Variants in ELAC1 observed in about 807,000 individuals in gnomAD.
ELAC1 encodes the protein elaC ribonuclease Z 1, also known as zinc phosphodiesterase ELAC protein 1.
ELAC1 carries 19 observed loss-of-function variants against 25.8 expected under a neutral mutation model. That is an observed-to-expected ratio of 0.74 (90% CI 0.51 to 1.08). ELAC1 has a LOEUF of 1.08. Among genes scored for constraint, ELAC1 ranks in the 50% least tolerant of loss-of-function variants. The pLI, the probability that ELAC1 is intolerant of heterozygous loss-of-function variation, is 0.00. For missense variants in ELAC1, 403 were observed against 434.6 expected, an observed-to-expected ratio of 0.93 and a Z score of 0.65; for synonymous variants, 148 against 160.9, an observed-to-expected ratio of 0.92 and a Z score of 0.61.
chr18:50,987,148 T>C lies in ELAC1; in HGVS notation c.*63T>C. The stretch of plus-strand genomic sequence containing the variant: ...ATATGTTACTGAACCTATAGTCCAG[T>C]TTTTTTATTTCTTGTTTTAGTCTGA... On this transcript the variant is annotated 3_prime_UTR_variant, in exon 4 of 4. Transcript: ENST00000269466. 2 of 1,191,376 alleles carry C rather than the reference T, an allele frequency of 1.7e-6. No homozygotes were observed. Among genetic ancestry groups the C allele is most frequent in the Non-Finnish European group, 2.3e-6 (2 of 881,544 alleles). 73.8% of individuals were successfully genotyped at this position (1,191,376 alleles called of 1,614,324 possible). A position where few individuals can be genotyped will look rare whatever the true frequency, so the allele number is the denominator to read the frequency against.
chr18:50,971,761 C>T (rs1319723761), intron 1 of ELAC1, among the ~76,000 whole-genome samples: 2 of 151,374 alleles, frequency 1.3e-5, no homozygotes, highest in South Asian at 2.1e-4. Context: ...TATTTATTAA[C>T]TTAAATTTTT....
intron 1 of ELAC1, 125 bp downstream of exon 1, chr18:50,968,239 C>G (rs569226270): frequency 6.6e-6 from 1 of 151,994 alleles, no homozygotes; most frequent in Non-Finnish European, 1.5e-5. Flanking sequence ...GGACGCGCCT[C>G]GTTCACCGCC....
At chr18:50,983,158 T>G (rs994837681) in intron 2 of ELAC1, among the ~76,000 whole-genome samples, 1 of 123,648 alleles carries the variant, frequency 8.1e-6, no homozygotes, top group Non-Finnish European at 1.6e-5. Flanking sequence ...ACTTGGTGTT[T>G]TTTTTTTTTT....
At chr18:50,970,721 A>C (rs534956318) in intron 1 of ELAC1, among the ~76,000 whole-genome samples, 2 of 152,146 alleles carry the variant, frequency 1.3e-5, no homozygotes, top group African/African-American at 4.8e-5. Flanking sequence ...CATCAGCATT[A>C]AGTAAATATA....
chr18:50,973,418 A>G (rs568493143), intron 1 of ELAC1, among the ~76,000 whole-genome samples: 1 of 152,336 alleles, frequency 6.6e-6, no homozygotes, highest in South Asian at 2.1e-4. Flanking sequence ...GTTGGAATAA[A>G]CCTGCACATT....
At position 50,974,579 on chromosome 18, in the gene ELAC1, T is replaced by C. The variant is rs761674897; in HGVS notation, c.157+18T>C. The C allele has an allele frequency of 3.1e-6, 5 of 1,612,640 alleles. No homozygotes were observed. The South Asian group carries it at 5.5e-5, about 18-fold the overall frequency. On this transcript the variant is annotated intron_variant, in intron 2 of 3. Coordinates refer to ENST00000269466, the MANE Select transcript of ELAC1 (RefSeq NM_018696.3). ...TAAAGCAGGTTAGTGTGCCTTCAGC[T>C]ATCTCATTAAGATTTTTTTGTTGTT... is the stretch of plus-strand genomic sequence containing the variant.
rs971217289 is a variant in ELAC1 at position 50,978,801 on chromosome 18, T to G, written c.157+4240T>G. 2.6e-5 allele frequency among the ~76,000 whole-genome samples: 4 copies of G among 152,340 alleles called. No homozygotes were observed. The South Asian group carries it at 6.2e-4, about 24-fold the overall frequency. ...GAAGTGAAGAATTAATACAAGTTAC[T>G]GATGGTGATGTCCTGGACCTAGAGA... On this transcript the variant is annotated intron_variant, in intron 2 of 3. Transcript: ENST00000269466.
intron 2 of ELAC1, among the ~76,000 whole-genome samples, chr18:50,978,622 G>A (rs1907858157): frequency 6.6e-6 from 1 of 152,100 alleles, no homozygotes; most frequent in South Asian, 2.1e-4. Flanking sequence ...ATTTGGGTGG[G>A]GACACAAACC....
chr18:50,975,274 A>G (rs1338569952), intron 2 of ELAC1, among the ~76,000 whole-genome samples: 2 of 152,044 alleles, frequency 1.3e-5, no homozygotes, highest in Admixed American at 6.6e-5. Context: ...ACATGTAATC[A>G]TTTATTCTCT....
At chr18:50,970,956 T>A (rs1173275865) in intron 1 of ELAC1, among the ~76,000 whole-genome samples, 1 of 152,200 alleles carries the variant, frequency 6.6e-6, no homozygotes, top group Non-Finnish European at 1.5e-5. Context: ...TAGCCATCTG[T>A]AACTTTTCTC....
intron 2 of ELAC1, among the ~76,000 whole-genome samples, chr18:50,976,715 A>G (rs545259124): frequency 2.0e-4 from 31 of 152,178 alleles, no homozygotes; most frequent in Non-Finnish European, 4.4e-5. Flanking sequence ...TGCCTTCCCA[A>G]TAGTCCCCCA....
chr18:50,984,777 C>A (rs1908056174), intron 3 of ELAC1: 2 of 583,580 alleles, frequency 3.4e-6, no homozygotes, highest in South Asian at 4.5e-5. Context: ...ACTAAAAATA[C>A]AAAAAGTAAC....
At chr18:50,968,256 C>T (rs943082636) in intron 1 of ELAC1, 142 bp downstream of exon 1, 14 of 152,058 alleles carry the variant, frequency 9.2e-5, no homozygotes, top group African/African-American at 3.4e-4. Flanking sequence ...CGCCCCGGGC[C>T]GGAGTCTCGG....
intron 2 of ELAC1, among the ~76,000 whole-genome samples, chr18:50,977,249 A>G (rs1217773545): frequency 1.3e-5 from 2 of 152,330 alleles, no homozygotes; most frequent in East Asian, 1.9e-4. Context: ...CTCACACCCC[A>G]TATTTCCCTT....
At chr18:50,981,895 G>A (rs1907960898) in intron 2 of ELAC1, among the ~76,000 whole-genome samples, 1 of 145,642 alleles carries the variant, frequency 6.9e-6, no homozygotes, top group Admixed American at 7.0e-5. Flanking sequence ...TGCCCAGGCT[G>A]GAGTGCAATG....
At chr18:50,968,135 C>T (rs545237203) in intron 1 of ELAC1, 21 bp downstream of exon 1, 25 of 152,238 alleles carry the variant, frequency 1.6e-4, no homozygotes, top group African/African-American at 5.1e-4. Context: ...TAGGGCATAC[C>T]AGAGGGGGGC....
chr18:50,981,061 A>G (rs1900165913), intron 2 of ELAC1, among the ~76,000 whole-genome samples: 1 of 152,066 alleles, frequency 6.6e-6, no homozygotes. Flanking sequence ...CCCATCAGGT[A>G]ACTAATTATC....
intron 1 of ELAC1, 40 bp from the exon 2 acceptor site, chr18:50,974,357 A>C: frequency 6.7e-7 from 1 of 1,486,506 alleles, no homozygotes; most frequent in Non-Finnish European, 9.0e-7. Flanking sequence ...TTTTTGGTAC[A>C]GTGATATGAA....
chr18:50,980,266 A>T (rs1466927827), intron 2 of ELAC1, among the ~76,000 whole-genome samples: 3 of 151,836 alleles, frequency 2.0e-5, no homozygotes, highest in Non-Finnish European at 4.4e-5. Flanking sequence ...GCCATGATTG[A>T]GCCACTGCAC....
Sources: gnomAD v4.1 joint callset for allele counts (sites outside exome capture counted in the v4.1 genomes callset) on GRCh38, gnomAD v4.1.1 for gene constraint, MANE v1.5 for transcripts, NCBI Gene and HGNC (gene_info 2026-07-23, HGNC 2026-07-21) for gene names.